The following FNTB variants were observed in gnomAD, a reference collection of about 807,000 sequenced individuals.
The protein encoded by FNTB is protein farnesyltransferase subunit beta.
A neutral mutation model predicts 59.4 loss-of-function variants in FNTB; 27 were observed. The ratio of observed to expected loss-of-function variants is 0.45; its 90% CI spans 0.34 to 0.63. FNTB has a LOEUF of 0.63. Ranked by LOEUF, FNTB falls within the 20% of genes least tolerant of loss-of-function variation. The probability of loss-of-function intolerance (pLI) is 0.02; values close to 1 mark genes in which losing one functional copy is unlikely to be tolerated. For synonymous variants in FNTB, 230 were observed against 220.7 expected (o/e 1.04, Z -0.37); for missense variants, 449 against 559.6 (o/e 0.80, Z 1.99).
intron 4 of FNTB, among the ~76,000 whole-genome samples, chr14:65,018,088 C>A (rs2061814024): frequency 6.6e-6 from 1 of 152,076 alleles, no homozygotes; most frequent in Non-Finnish European, 1.5e-5. Flanking sequence ...ACACCTGTAA[C>A]CCCAGCACTT....
intron 7 of FNTB, among the ~76,000 whole-genome samples, chr14:65,033,275 T>C (rs932518136): frequency 2.6e-5 from 4 of 152,236 alleles, no homozygotes; most frequent in African/African-American, 9.6e-5. Context: ...GCACATTTAC[T>C]TAAAATTTGA....
At position 64,991,572 on chromosome 14, in the gene FNTB, C is replaced by T. The variant is rs1324473234; in HGVS notation, c.144+4475C>T. Among the ~76,000 whole-genome samples the T allele has an allele frequency of 6.6e-6, 1 of 152,048 alleles. No homozygotes were observed. The highest frequency in any genetic ancestry group is 1.5e-5 in the Non-Finnish European group (1 of 68,010). On this transcript the variant is annotated intron_variant, in intron 1 of 11. Transcript: ENST00000246166. This position sits in a 1 kb window ranked among gnomAD's most constrained non-coding sequence, Gnocchi z 4.4. Reference sequence around the variant, plus strand: ...TGAGCCGAGATTGCACCATTGCACTCAAGCCTGGGTGACAGAGCAAGACTC... The same window carrying T: ...TGAGCCGAGATTGCACCATTGCACTTAAGCCTGGGTGACAGAGCAAGACTC...
rs1229799132 is a variant in FNTB at position 65,012,550 on chromosome 14, C to T, written c.282+161C>T. On this transcript the variant is annotated intron_variant, in intron 3 of 11. Coordinates refer to ENST00000246166, the MANE Select transcript of FNTB (RefSeq NM_002028.4). This position sits in a 1 kb window ranked among gnomAD's most constrained non-coding sequence, Gnocchi z 5.0. ...GTAGGGTGCTGTCACAGAGCTGGGA[C>T]TCAGCCCTGAAAGGGCAGAACCTAG... Among the ~76,000 whole-genome samples the T allele has an allele frequency of 2.0e-5, 3 of 152,216 alleles. No individual in the cohort carries two copies.
chr14:65,035,536 C>G (rs968223749), intron 7 of FNTB, among the ~76,000 whole-genome samples: 1 of 151,988 alleles, frequency 6.6e-6, no homozygotes, highest in Non-Finnish European at 1.5e-5. Flanking sequence ...TCAATTCTCT[C>G]TTTCTTTTTT....
intron 7 of FNTB, among the ~76,000 whole-genome samples, chr14:65,037,021 G>A (rs968872614): frequency 1.3e-5 from 2 of 151,998 alleles, no homozygotes; most frequent in Non-Finnish European, 2.9e-5. Flanking sequence ...ACTCGATTTG[G>A]AAGTGCATAT....
At chr14:65,019,627 A>G (rs1298158328) in intron 4 of FNTB, among the ~76,000 whole-genome samples, 1 of 152,250 alleles carries the variant, frequency 6.6e-6, no homozygotes, top group Non-Finnish European at 1.5e-5. Context: ...AAACCACTTG[A>G]CAGTTAATGA....
At chr14:65,060,993 G>C (rs1157671978) in intron 11 of FNTB, among the ~76,000 whole-genome samples, 188 bp from the exon 12 acceptor site, 1 of 151,544 alleles carries the variant, frequency 6.6e-6, no homozygotes, top group Non-Finnish European at 1.5e-5. Context: ...TATAATGGCT[G>C]TATATTAACC....
intron 1 of FNTB, among the ~76,000 whole-genome samples, chr14:64,989,427 TA>T (rs1242985992): frequency 6.7e-6 from 1 of 149,486 alleles, no homozygotes; most frequent in Non-Finnish European, 1.5e-5. Context: ...GGCAACAGAG[TA>T]AAACCCTGTC....
intron 2 of FNTB, among the ~76,000 whole-genome samples, chr14:65,008,929 C>A (rs1475090944): frequency 6.6e-6 from 1 of 152,198 alleles, no homozygotes; most frequent in Non-Finnish European, 1.5e-5. Flanking sequence ...TCTCCTGTCA[C>A]CCTCTGCACA....
rs2062862929 is a variant in FNTB at position 65,061,370 on chromosome 14, T to C, written c.*58T>C. The stretch of plus-strand genomic sequence containing the variant: ...CATCTCCCCAGTCAGACAAGGTTTA[T>C]ACGTTTCAATACATACTGCATTCTG... On this transcript the variant is annotated 3_prime_UTR_variant, in exon 12 of 12. Transcript: ENST00000246166. The C allele has an allele frequency of 1.2e-6, 2 of 1,607,210 alleles. No homozygotes were observed. The highest frequency in any genetic ancestry group is 1.3e-5 in the African/African-American group (1 of 74,738).
rs761375532 is a variant in FNTB, at chr14:65,053,207, G to A, written c.956-31G>A. On this transcript the variant is annotated intron_variant, in intron 9 of 11. Transcript: ENST00000246166. ...TCATTGATACTTGGCTGGATCTGCC[G>A]GGCCCTTACTGACCCTTTGCCCTTC... 107 of 1,343,940 alleles carry A rather than the reference G, an allele frequency of 8.0e-5. 1 individual carries two copies. Among genetic ancestry groups the A allele is most frequent in the South Asian group, 5.8e-4 (26 of 44,704 alleles). 83.3% of individuals were successfully genotyped at this position (1,343,940 alleles called of 1,614,324 possible).
At chr14:65,039,448 A>G (rs1187136216) in intron 7 of FNTB, among the ~76,000 whole-genome samples, 1 of 152,184 alleles carries the variant, frequency 6.6e-6, no homozygotes, top group East Asian at 1.9e-4. Flanking sequence ...GGATTTGAGT[A>G]GGGGACTTAA....
At chr14:65,026,121 G>C (rs931348163) in intron 4 of FNTB, among the ~76,000 whole-genome samples, 1 of 152,126 alleles carries the variant, frequency 6.6e-6, no homozygotes, top group South Asian at 2.1e-4. Context: ...AGGTGAAAGC[G>C]CCCAGGAAAG....
chr14:65,005,449 TTTTCTTTCTTTCTTTC>T (rs71123898), intron 2 of FNTB, among the ~76,000 whole-genome samples: 119 of 119,910 alleles, frequency 9.9e-4, no homozygotes, highest in South Asian at 2.1e-3. Context: ...TCTTCCTTTC[TTTTCTTTCTTTCTTTC>T]TTTCTTTCTT....
Position 64,986,945 on chromosome 14 carries a change from C to G in FNTB, c.-9C>G. 1 of 1,614,224 alleles carries G rather than the reference C, an allele frequency of 6.2e-7. No homozygotes were observed. On this transcript the variant is annotated 5_prime_UTR_variant, in exon 1 of 12. Coordinates refer to ENST00000246166, the MANE Select transcript of FNTB (RefSeq NM_002028.4). The stretch of plus-strand genomic sequence containing the variant: ...AGAGTCCTACACACTGTCTGCTGCT[C>G]TCCTGATCATGGCTTCTCCGAGTTC...
At chr14:65,026,825 G>A (rs570657172) in intron 4 of FNTB, among the ~76,000 whole-genome samples, 9 of 151,660 alleles carry the variant, frequency 5.9e-5, no homozygotes, top group African/African-American at 2.2e-4. Flanking sequence ...TCACACCACT[G>A]CACTGCAGCC....
intron 1 of FNTB, chr14:65,003,471 T>G (rs1244463543): frequency 6.6e-6 from 1 of 152,118 alleles, no homozygotes; most frequent in Non-Finnish European, 1.5e-5. Context: ...TTGGAACCAC[T>G]ATAACAAACC....
At chr14:65,005,463 T>TTCTC (rs1229025809) in intron 2 of FNTB, among the ~76,000 whole-genome samples, 1 of 127,276 alleles carries the variant, frequency 7.9e-6, no homozygotes, top group Admixed American at 8.0e-5. Flanking sequence ...CTTTCTTTCT[T>TTCTC]TCTTTCTTTC....
chr14:65,053,635 C>CA (rs1189039450), intron 10 of FNTB, among the ~76,000 whole-genome samples: 45 of 147,046 alleles, frequency 3.1e-4, no homozygotes, highest in Admixed American at 1.9e-3. Flanking sequence ...TTAAAAAAAA[C>CA]AAAAAAAAAC....
Sources: gnomAD v4.1 joint callset for allele counts (sites outside exome capture counted in the v4.1 genomes callset) on GRCh38, gnomAD v4.1.1 for gene constraint, Gnocchi (gnomAD v3.1) non-coding constraint, MANE v1.5 for transcripts, NCBI Gene and HGNC (gene_info 2026-07-23, HGNC 2026-07-21) for gene names.